The following NRK variants were observed in gnomAD, a reference collection of about 807,000 sequenced individuals.
NRK encodes the protein nik-related protein kinase.
NRK carries 67 observed loss-of-function variants against 125.2 expected under a neutral mutation model. The ratio of observed to expected loss-of-function variants is 0.54; its 90% CI spans 0.44 to 0.66. The LOEUF (loss-of-function observed/expected upper bound fraction) is 0.66, where lower values mean the gene tolerates loss of function less well. Ranked by LOEUF, NRK falls within the 30% of genes least tolerant of loss-of-function variation. The pLI is 0.00. For missense variants in NRK, 1,224 were observed against 1,192.9 expected, an observed-to-expected ratio of 1.03 and a Z score of -0.38; for synonymous variants, 458 against 429.0, an observed-to-expected ratio of 1.07 and a Z score of -0.84.
chrX:105,826,361 TA>T (rs1270987407), intron 1 of NRK, among the ~76,000 whole-genome samples: 38 of 83,121 alleles, frequency 4.6e-4, no homozygotes, highest in Non-Finnish European at 6.8e-4. Flanking sequence ...ACATTATATA[TA>T]ATATATTATA....
At chrX:105,888,582 C>T (rs901252208) in intron 5 of NRK, among the ~76,000 whole-genome samples, 163 bp downstream of exon 5, 3 of 111,024 alleles carry the variant, frequency 2.7e-5, no homozygotes, top group African/African-American at 6.6e-5. Flanking sequence ...ATTAGGTTGG[C>T]GCAAAATAAT....
upstream of NRK, among the ~76,000 whole-genome samples, chrX:105,822,097 A>G (rs1289773916): frequency 8.9e-6 from 1 of 112,510 alleles, no homozygotes; most frequent in Non-Finnish European, 1.9e-5. Context: ...AATCAGAGGG[A>G]CAGAAAGAGA....
chrX:105,844,828 C>A (rs1404721517), intron 2 of NRK, among the ~76,000 whole-genome samples: 1 of 111,906 alleles, frequency 8.9e-6, no homozygotes, highest in Non-Finnish European at 1.9e-5. Flanking sequence ...AAGCCTTCCT[C>A]ACTCTACAAA....
chrX:105,900,776 C>A, intron 9 of NRK, 104 bp downstream of exon 9: 1 of 510,133 alleles, frequency 2.0e-6, no homozygotes, highest in Non-Finnish European at 3.3e-6. Flanking sequence ...ACTTGTACCA[C>A]TCAGCTTTCA....
At chrX:105,822,431 C>T, upstream of NRK, 1 of 170,725 alleles carries the variant, frequency 5.9e-6, no homozygotes, top group Non-Finnish European at 1.1e-5. Context: ...CGGGCGGCTG[C>T]CCACCTGGCG....
At chrX:105,899,711 T>C (rs187167071) in intron 8 of NRK, among the ~76,000 whole-genome samples, 183 of 111,038 alleles carry the variant, frequency 1.6e-3, no homozygotes, top group Middle Eastern at 4.6e-3. Flanking sequence ...TCAACTAGGG[T>C]TCTAAAAATC....
At chrX:105,915,180 TC>T (rs1308815891) in intron 14 of NRK, among the ~76,000 whole-genome samples, 2 of 110,568 alleles carry the variant, frequency 1.8e-5, no homozygotes, top group Non-Finnish European at 3.8e-5. Flanking sequence ...AAACATACTT[TC>T]TTACTTTCTT....
At chrX:105,831,213 G>T in intron 2 of NRK, 94 bp downstream of exon 2, 1 of 545,519 alleles carries the variant, frequency 1.8e-6, no homozygotes, top group African/African-American at 2.3e-5. Flanking sequence ...GCCAAAATAT[G>T]GCATTTCACT....
At position 105,956,278 on chromosome X, in the gene NRK, T is replaced by C. The variant is rs1165999537; in HGVS notation, c.*678T>C. The C allele has an allele frequency of 8.9e-6, 1 of 111,813 alleles. No homozygotes were observed. Among genetic ancestry groups the C allele is most frequent in the Non-Finnish European group, 1.9e-5 (1 of 53,117 alleles). The allele number at this position is 111,813 out of a possible 1,213,427, so 9.2% of individuals were successfully genotyped here. A position where few individuals can be genotyped will look rare whatever the true frequency, so the allele number is the denominator to read the frequency against. ...GGAAGAAAGCCCCAGACGCTTGGTT[T>C]TTCTCAGAACCCCCAAAAGATGTGC... is the stretch of plus-strand genomic sequence containing the variant. On this transcript the variant is annotated 3_prime_UTR_variant, in exon 29 of 29. Transcript: ENST00000243300.
intron 2 of NRK, among the ~76,000 whole-genome samples, chrX:105,836,069 G>A (rs1381524419): frequency 8.9e-6 from 1 of 112,038 alleles, no homozygotes; most frequent in Non-Finnish European, 1.9e-5. Context: ...GTGAGCTAAT[G>A]CTCATGTCCC....
In NRK at chrX:105,941,809, G is replaced by A. The variant is rs1230234812; in HGVS notation, c.3958+1777G>A. Among the ~76,000 whole-genome samples, 3 of 110,886 alleles carry A rather than the reference G, an allele frequency of 2.7e-5. No homozygotes were observed. The Admixed American group carries it at 2.9e-4, about 11-fold the overall frequency. On this transcript the variant is annotated intron_variant, in intron 23 of 28. Coordinates refer to ENST00000243300, the MANE Select transcript of NRK (RefSeq NM_198465.4). ...ACTTGTTTAAAGTGCACAATTCAAT[G>A]GGTTTTAGGAGGTCTATAGAGTTAT...
intron 19 of NRK, among the ~76,000 whole-genome samples, chrX:105,931,944 T>C (rs1249744974): frequency 8.9e-6 from 1 of 111,763 alleles, no homozygotes; most frequent in Non-Finnish European, 1.9e-5. Context: ...TTGTCACCAC[T>C]ATCCATTTTC....
intron 2 of NRK, among the ~76,000 whole-genome samples, chrX:105,853,856 T>G: frequency 8.9e-6 from 1 of 112,378 alleles, no homozygotes; most frequent in Non-Finnish European, 1.9e-5. Context: ...GAAATACATG[T>G]AGAACTGGTT....
chrX:105,825,953 A>G (rs1312047722), intron 1 of NRK, among the ~76,000 whole-genome samples: 1 of 106,564 alleles, frequency 9.4e-6, no homozygotes, highest in East Asian at 2.9e-4. Flanking sequence ...GTCTTTATAT[A>G]TATCTTTGTA....
chrX:105,940,073 G>T (rs1415638344), intron 23 of NRK, 41 bp downstream of exon 23: 2 of 992,560 alleles, frequency 2.0e-6, no homozygotes, highest in East Asian at 3.3e-5. Context: ...TATAAATTTT[G>T]CATCCTTTCA....
In NRK at chrX:105,893,246, C is replaced by G. The variant is rs72618326; in HGVS notation, c.379-586C>G. On this transcript the variant is annotated intron_variant, in intron 5 of 28. Coordinates refer to ENST00000243300, the MANE Select transcript of NRK (RefSeq NM_198465.4). Reference sequence around the variant, plus strand: ...ATCCCATTTGGATGAAATTATCCCACAGGAATGCAATTGACAAATTCCACC... The same window carrying G: ...ATCCCATTTGGATGAAATTATCCCAGAGGAATGCAATTGACAAATTCCACC... Among the ~76,000 whole-genome samples, 66 of 112,075 alleles carry G rather than the reference C, an allele frequency of 5.9e-4. 1 individual carries two copies. The East Asian group carries it at 0.018, about 31-fold the overall frequency.
intron 2 of NRK, among the ~76,000 whole-genome samples, chrX:105,837,877 G>A (rs767623285): frequency 2.7e-5 from 3 of 111,433 alleles, no homozygotes; most frequent in African/African-American, 6.5e-5. Flanking sequence ...TTCCCCAAGA[G>A]CAATAGACAC....
chrX:105,899,103 T>C (rs2040122740), intron 8 of NRK, among the ~76,000 whole-genome samples: 1 of 111,786 alleles, frequency 8.9e-6, no homozygotes, highest in Admixed American at 9.5e-5. Flanking sequence ...CACAGTAACT[T>C]AGCTCCAGAA....
intron 15 of NRK, among the ~76,000 whole-genome samples, chrX:105,916,888 G>A (rs1322765082): frequency 9.0e-6 from 1 of 111,455 alleles, no homozygotes; most frequent in African/African-American, 3.2e-5. Flanking sequence ...TTTAAATATA[G>A]TTAAATTTAA....
Sources: gnomAD v4.1 joint callset for allele counts (sites outside exome capture counted in the v4.1 genomes callset) on GRCh38, gnomAD v4.1.1 for gene constraint, MANE v1.5 for transcripts, NCBI Gene and HGNC (gene_info 2026-07-23, HGNC 2026-07-21) for gene names.